Variants in VAV1 observed in about 807,000 individuals in gnomAD.
VAV1 encodes proto-oncogene vav.
In VAV1, 33 loss-of-function variants were observed where a neutral mutation model predicts 128.1. That is an observed-to-expected ratio of 0.26 (90% CI 0.20 to 0.34). The LOEUF (loss-of-function observed/expected upper bound fraction) is 0.34, where lower values mean the gene tolerates loss of function less well. VAV1 is among the 10% of genes least tolerant of loss of function. The pLI, the probability that VAV1 is intolerant of heterozygous loss-of-function variation, is 1.00. For synonymous variants in VAV1, 394 were observed against 409.8 expected (o/e 0.96, Z 0.47); for missense variants, 715 against 1,093.7 (o/e 0.65, Z 4.88).
chr19:6,820,751 A>C lies in VAV1; in HGVS notation c.254A>C (p.Lys85Thr). The C allele has an allele frequency of 2.5e-6, 4 of 1,614,200 alleles. No individual in the cohort carries two copies. Among genetic ancestry groups the C allele is most frequent in the Non-Finnish European group, 3.4e-6 (4 of 1,180,026 alleles). The change falls in exon 2 of 27, where the codon AAG (lysine) becomes ACG (threonine). Residue 85 changes from lysine to threonine, a missense_variant. Lys to Thr is a moderately conservative substitution (Grantham distance 78). This residue lies in a region of VAV1 where 302 missense variants were observed against 477.8 expected (regional missense o/e 0.63). Coordinates refer to ENST00000602142, the MANE Select transcript of VAV1 (RefSeq NM_005428.4). This position sits in a 1 kb window ranked among gnomAD's most constrained non-coding sequence, Gnocchi z 4.4. ...IRTFLSTCCEKFGLKRSELFE... is the reference protein window; with the variant it reads ...IRTFLSTCCETFGLKRSELFE... ...ACCTTCCTGTCCACCTGCTGTGAGA[A>C]GTTCGGCCTCAAGCGGAGCGAGCTC... is the stretch of plus-strand genomic sequence containing the variant.
At chr19:6,798,374 T>G (rs1263294685) in intron 1 of VAV1, among the ~76,000 whole-genome samples, 1 of 152,060 alleles carries the variant, frequency 6.6e-6, no homozygotes, top group Non-Finnish European at 1.5e-5. Context: ...AAGCCTGTAA[T>G]CTCGCCCCTT....
intron 1 of VAV1, among the ~76,000 whole-genome samples, chr19:6,781,390 C>T (rs183819770): frequency 4.6e-5 from 7 of 152,154 alleles, no homozygotes; most frequent in Admixed American, 1.3e-4. Flanking sequence ...CCCCGACAGA[C>T]GGTTCTGTTG....
chr19:6,821,351 A>C (rs1254754027), intron 2 of VAV1, among the ~76,000 whole-genome samples: 1 of 152,076 alleles, frequency 6.6e-6, no homozygotes, highest in Non-Finnish European at 1.5e-5. Context: ...TAGTGAGCCG[A>C]GATGGTGCCA....
chr19:6,809,759 C>T (rs557064450), intron 1 of VAV1, among the ~76,000 whole-genome samples: 7 of 152,006 alleles, frequency 4.6e-5, no homozygotes, highest in East Asian at 1.9e-4. Context: ...GTGATCACTG[C>T]GGTGGCTGCT....
At chr19:6,832,262 C>T (rs1057208281) in intron 15 of VAV1, 62 bp downstream of exon 15, 15 of 1,493,782 alleles carry the variant, frequency 1.0e-5, no homozygotes, top group Admixed American at 5.3e-5. Flanking sequence ...GAAGGAGGAA[C>T]GTGATCTAGT....
intron 1 of VAV1, among the ~76,000 whole-genome samples, chr19:6,774,102 G>A (rs1299339419): frequency 1.3e-5 from 2 of 151,946 alleles, no homozygotes; most frequent in South Asian, 2.1e-4. Context: ...AGATCCATGC[G>A]CCTTTACTCC....
In VAV1 at chr19:6,772,897, G is replaced by A; in HGVS notation, c.90G>A (p.Val30=). 1 of 1,614,156 alleles carries A rather than the reference G, an allele frequency of 6.2e-7. No homozygotes were observed. Among genetic ancestry groups the A allele is most frequent in the Non-Finnish European group, 8.5e-7 (1 of 1,180,002 alleles). ...GCGTGACCTGGGATGGGGCTCAGGT[G>A]TGTGAACTGGCCCAGGCCCTCCGGG... is the stretch of plus-strand genomic sequence containing the variant. The part of the protein sequence containing the change: ...SHRVTWDGAQ[V]CELAQALRDG... The change falls in exon 1 of 27, where the codon GTG becomes GTA. Residue 30 remains valine (V), a synonymous_variant. Transcript: ENST00000602142. This position sits in a 1 kb window ranked among gnomAD's most constrained non-coding sequence, Gnocchi z 4.8.
intron 1 of VAV1, among the ~76,000 whole-genome samples, chr19:6,814,029 C>T (rs139682102): frequency 2.3e-4 from 35 of 152,188 alleles, no homozygotes; most frequent in African/African-American, 7.2e-4. Flanking sequence ...CACTCCACTC[C>T]GGCCTGGGTG....
chr19:6,795,368 T>A (rs1279485421), intron 1 of VAV1, among the ~76,000 whole-genome samples: 1 of 152,090 alleles, frequency 6.6e-6, no homozygotes, highest in East Asian at 1.9e-4. Context: ...ACTCTGTGTA[T>A]CGCTCGCGAA....
chr19:6,806,954 G>A (rs954977048), intron 1 of VAV1, among the ~76,000 whole-genome samples: 1 of 152,212 alleles, frequency 6.6e-6, no homozygotes. Context: ...AGTCTACTGG[G>A]ATTCCACGAT....
At chr19:6,853,805 A>T in intron 25 of VAV1, 142 bp from the exon 26 acceptor site, 2 of 974,238 alleles carry the variant, frequency 2.1e-6, no homozygotes, top group Non-Finnish European at 3.0e-6. Flanking sequence ...GTCCCCTTAC[A>T]GTACAGGGCA....
At chr19:6,801,778 C>G (rs1431918002) in intron 1 of VAV1, among the ~76,000 whole-genome samples, 1 of 152,160 alleles carries the variant, frequency 6.6e-6, no homozygotes, top group African/African-American at 2.4e-5. Flanking sequence ...GCCTCTGTCC[C>G]TGCACACTGC....
chr19:6,850,957 G>A (rs1396111493), intron 24 of VAV1, among the ~76,000 whole-genome samples, 200 bp downstream of exon 24: 3 of 151,962 alleles, frequency 2.0e-5, no homozygotes, highest in Admixed American at 6.6e-5. Context: ...TATTGACAGA[G>A]CACTTAAGTG....
At chr19:6,778,494 C>A (rs1233719825) in intron 1 of VAV1, among the ~76,000 whole-genome samples, 1 of 152,146 alleles carries the variant, frequency 6.6e-6, no homozygotes, top group Non-Finnish European at 1.5e-5. Flanking sequence ...AGAGCCACAC[C>A]TGGGTTCAAA....
intron 21 of VAV1, among the ~76,000 whole-genome samples, chr19:6,838,327 C>A (rs1189129947): frequency 6.7e-6 from 1 of 149,086 alleles, no homozygotes; most frequent in Admixed American, 6.7e-5. Flanking sequence ...ATCTATCTAT[C>A]TATCTATATG....
chr19:6,850,782 C>A, intron 24 of VAV1, 25 bp downstream of exon 24: 1 of 1,612,004 alleles, frequency 6.2e-7, no homozygotes, highest in Non-Finnish European at 8.5e-7. Context: ...CCGCTCAATC[C>A]CAGCTTTCCA....
chr19:6,851,128 G>C (rs1972667166), intron 24 of VAV1, among the ~76,000 whole-genome samples: 1 of 151,686 alleles, frequency 6.6e-6, no homozygotes, highest in Non-Finnish European at 1.5e-5. Flanking sequence ...TAGGGTACAT[G>C]TATATACGTG....
At chr19:6,797,475 G>A (rs573091577) in intron 1 of VAV1, among the ~76,000 whole-genome samples, 14 of 152,228 alleles carry the variant, frequency 9.2e-5, no homozygotes, top group African/African-American at 3.4e-4. Flanking sequence ...GGCCAAGGCG[G>A]GCGGATCATC....
chr19:6,849,129 T>C (rs1972602124), intron 23 of VAV1, among the ~76,000 whole-genome samples: 1 of 151,722 alleles, frequency 6.6e-6, no homozygotes, highest in Non-Finnish European at 1.5e-5. Flanking sequence ...AGAGGGCACA[T>C]GTGCAGGTTT....
Sources: gnomAD v4.1 joint callset for allele counts (sites outside exome capture counted in the v4.1 genomes callset) on GRCh38, gnomAD v4.1.1 for gene constraint, gnomAD v4.1.1 regional missense constraint, Gnocchi (gnomAD v3.1) non-coding constraint, MANE v1.5 for transcripts, NCBI Gene and HGNC (gene_info 2026-07-23, HGNC 2026-07-21) for gene names.